The following ACOX1 variants were observed in gnomAD, a reference collection of about 807,000 sequenced individuals.
ACOX1 encodes the protein acyl-CoA oxidase 1.
ACOX1 carries 41 observed loss-of-function variants against 75.5 expected under a neutral mutation model. The ratio of observed to expected loss-of-function variants is 0.54; its 90% CI spans 0.42 to 0.70. ACOX1 has a LOEUF of 0.70. Among genes scored for constraint, ACOX1 ranks in the 30% least tolerant of loss-of-function variants. ACOX1 has a pLI of 0.00. For missense variants in ACOX1, 630 were observed against 837.5 expected (o/e 0.75, Z 3.06); for synonymous variants, 303 against 298.8 (o/e 1.01, Z -0.15).
chr17:75,963,427 C>T (rs1049085971), intron 2 of ACOX1, among the ~76,000 whole-genome samples: 4 of 152,052 alleles, frequency 2.6e-5, no homozygotes, highest in African/African-American at 7.2e-5. Context: ...GCAGGCCGGG[C>T]GCGGTGGCTC....
Position 75,957,729 on chromosome 17 carries a change from C to T in ACOX1, c.431-163G>A, listed in dbSNP as rs527250434. Among the ~76,000 whole-genome samples the T allele has an allele frequency of 3.9e-5, 6 of 152,324 alleles. No individual in the cohort carries two copies. The South Asian group carries it at 1.2e-3, about 32-fold the overall frequency. On this transcript the variant is annotated intron_variant, in intron 3 of 13. Coordinates refer to ENST00000293217, the MANE Select transcript of ACOX1 (RefSeq NM_004035.7). Reference sequence around the variant, plus strand: ...CTACAACTGGTTGATAACCAAGACACTGAATTTCCCACACTATCTGATGGT... The same window carrying T: ...CTACAACTGGTTGATAACCAAGACATTGAATTTCCCACACTATCTGATGGT...
rs2065739835 is a variant in ACOX1 at position 75,948,235 on chromosome 17, GACAC to G, written c.1935+12_1935+15del. ...GTGAAGACTTTTAAAAAGGTGCAGAGACACTGGATTTTTACCTCTGCTTTGTTCA... is the reference window on the plus strand; with the variant it reads ...GTGAAGACTTTTAAAAAGGTGCAGAGTGGATTTTTACCTCTGCTTTGTTCA... On this transcript the variant is annotated intron_variant, in intron 13 of 13. Transcript: ENST00000293217. 5 of 1,613,334 alleles carry G rather than the reference GACAC, an allele frequency of 3.1e-6. No homozygotes were observed. In the East Asian group the frequency reaches 1.1e-4, roughly 36 times the overall value.
At chr17:75,953,052 A>G (rs1462119509) in intron 7 of ACOX1, among the ~76,000 whole-genome samples, 2 of 152,160 alleles carry the variant, frequency 1.3e-5, no homozygotes, top group Non-Finnish European at 2.9e-5. Context: ...AACTGTGGCT[A>G]TGAATGCAAA....
At chr17:75,958,719 A>G (rs1049010536) in intron 3 of ACOX1, among the ~76,000 whole-genome samples, 7 of 151,672 alleles carry the variant, frequency 4.6e-5, no homozygotes, top group Non-Finnish European at 7.4e-5. Context: ...GAGGCAGGAG[A>G]ATGGCGTGAA....
intron 2 of ACOX1, among the ~76,000 whole-genome samples, chr17:75,974,629 C>A (rs1421527337): frequency 1.3e-5 from 2 of 152,188 alleles, no homozygotes; most frequent in Admixed American, 6.5e-5. Flanking sequence ...AGCAATGTTA[C>A]TACCAGTTTA....
intron 2 of ACOX1, among the ~76,000 whole-genome samples, chr17:75,963,113 A>AGAGT (rs1230928385): frequency 1.3e-5 from 2 of 152,212 alleles, no homozygotes; most frequent in South Asian, 4.2e-4. Context: ...CCTGGGCGAC[A>AGAGT]GAGACTCTGT....
At chr17:75,967,619 CATAT>C (rs147825726) in intron 2 of ACOX1, among the ~76,000 whole-genome samples, 3 of 131,288 alleles carry the variant, frequency 2.3e-5, no homozygotes, top group Non-Finnish European at 4.7e-5. Context: ...TATATACATA[CATAT>C]ATATATACAT....
intron 2 of ACOX1, among the ~76,000 whole-genome samples, chr17:75,963,858 C>T (rs933150149): frequency 6.6e-6 from 1 of 150,460 alleles, no homozygotes; most frequent in African/African-American, 2.4e-5. Flanking sequence ...ATTTTTGTAA[C>T]TTCCTATGAC....
intron 7 of ACOX1, among the ~76,000 whole-genome samples, chr17:75,951,808 C>CTTTTTTTTT (rs1029666749): frequency 3.2e-4 from 25 of 77,462 alleles, no homozygotes; most frequent in East Asian, 8.8e-4. Flanking sequence ...TAAATTGAGG[C>CTTTTTTTTT]TTTTTTTTTT....
rs34143128 is a variant in ACOX1, at chr17:75,958,321, C to A, written c.431-755G>T. Among the ~76,000 whole-genome samples, 3 of 145,248 alleles carry A rather than the reference C, an allele frequency of 2.1e-5. 1 individual carries two copies. Among genetic ancestry groups the A allele is most frequent in the South Asian group, 2.2e-4 (1 of 4,618 alleles). ...TGAGCCAAGATTGTGCCACCGCACT[C>A]CAGCCTGGGTGGCAGAGCAAGACTC... On this transcript the variant is annotated intron_variant, in intron 3 of 13. Transcript: ENST00000293217.
chr17:75,952,185 T>C (rs1045595929), intron 7 of ACOX1, among the ~76,000 whole-genome samples: 6 of 152,258 alleles, frequency 3.9e-5, no homozygotes, highest in Non-Finnish European at 7.3e-5. Flanking sequence ...GAATACATTG[T>C]ATTTTGACCA....
intron 7 of ACOX1, among the ~76,000 whole-genome samples, chr17:75,952,659 G>T (rs1297325770): frequency 2.0e-5 from 3 of 151,252 alleles, no homozygotes; most frequent in Non-Finnish European, 4.4e-5. Flanking sequence ...GCGAAATTCC[G>T]TCTCTACTAA....
intron 6 of ACOX1, among the ~76,000 whole-genome samples, chr17:75,954,018 A>C (rs554212965): frequency 2.6e-5 from 4 of 152,164 alleles, no homozygotes; most frequent in Admixed American, 6.6e-5. Context: ...GGAATTCGAG[A>C]CCAGCCTGAC....
At chr17:75,973,825 G>C in intron 2 of ACOX1, 1 of 1,611,322 alleles carries the variant, frequency 6.2e-7, no homozygotes. Context: ...CCTTCCTTTA[G>C]AAACTGCATC....
In ACOX1 at chr17:75,950,642, G is replaced by T. The variant is rs554531376; in HGVS notation, c.1298+132C>A. On this transcript the variant is annotated intron_variant, in intron 9 of 13. Coordinates refer to ENST00000293217, the MANE Select transcript of ACOX1 (RefSeq NM_004035.7). The surrounding 1 kb of genome is among the most constrained non-coding windows in gnomAD (Gnocchi z 4.3). ...CGAAATAAAAACCGTGAGTCAGGAT[G>T]GAAGGCAAAAGTATACCTTTCAGGA... The T allele has an allele frequency of 3.0e-6, 3 of 985,462 alleles. No individual in the cohort carries two copies. Among genetic ancestry groups the T allele is most frequent in the South Asian group, 2.8e-5 (2 of 70,834 alleles). The allele number at this position is 985,462 out of a possible 1,614,324, so 61.0% of individuals were successfully genotyped here.
intron 2 of ACOX1, among the ~76,000 whole-genome samples, chr17:75,977,206 G>A (rs1171852549): frequency 6.6e-6 from 1 of 151,526 alleles, no homozygotes; most frequent in African/African-American, 2.4e-5. Flanking sequence ...ATTTTGGCCA[G>A]GCTGGTCTCG....
At position 75,950,823 on chromosome 17, in the gene ACOX1, T is replaced by C; in HGVS notation, c.1249A>G (p.Ser417Gly). Reference protein sequence around the residue: ...LPNIYVNFTPSCTFEGENTVM... With the variant: ...LPNIYVNFTPGCTFEGENTVM... ...GTGTTTTCTCCCTCAAAGGTACAGC[T>C]TGGGGTGAAATTGACATAAATATTT... is the stretch of plus-strand genomic sequence containing the variant. Residue 417 changes from serine (S) to glycine (G), a missense_variant, in exon 9 of 14, where the codon AGC becomes GGC. By Grantham distance (56) the Ser-to-Gly change is moderately conservative (BLOSUM62 0). Transcript: ENST00000293217. This position sits in a 1 kb window ranked among gnomAD's most constrained non-coding sequence, Gnocchi z 4.3. 1 of 1,614,072 alleles carries C rather than the reference T, an allele frequency of 6.2e-7. No individual in the cohort carries two copies. Among genetic ancestry groups the C allele is most frequent in the Non-Finnish European group, 8.5e-7 (1 of 1,179,998 alleles).
chr17:75,960,307 T>C lies in ACOX1; in HGVS notation c.338A>G (p.His113Arg). The C allele has an allele frequency of 6.2e-7, 1 of 1,614,122 alleles. No individual in the cohort carries two copies. Among genetic ancestry groups the C allele is most frequent in the Non-Finnish European group, 8.5e-7 (1 of 1,180,032 alleles). ...HLGMFLPTLL[H>R]QATAEQQERF... ...CTCCTGCTGCTCCGCAGTTGCCTGG[T>C]GAAGCAAGGTGGGCAGGAACATGCC... is the stretch of plus-strand genomic sequence containing the variant. The change falls in exon 3 of 14, where the codon CAC (histidine) becomes CGC (arginine). Residue 113 changes from histidine to arginine, a missense_variant. This residue lies in a region of ACOX1 where 390 missense variants were observed against 574.9 expected (regional missense o/e 0.68). Transcript: ENST00000293217. This position sits in a 1 kb window ranked among gnomAD's most constrained non-coding sequence, Gnocchi z 4.4.
chr17:75,950,992 G>T lies in ACOX1; in HGVS notation c.1108-28C>A. The T allele has an allele frequency of 6.2e-7, 1 of 1,607,662 alleles. No homozygotes were observed. Among genetic ancestry groups the T allele is most frequent in the African/African-American group, 1.3e-5 (1 of 74,882 alleles). On this transcript the variant is annotated intron_variant, in intron 8 of 13. Coordinates refer to ENST00000293217, the MANE Select transcript of ACOX1 (RefSeq NM_004035.7). This position sits in a 1 kb window ranked among gnomAD's most constrained non-coding sequence, Gnocchi z 4.3. Reference sequence around the variant, plus strand: ...GAGAGGACAAGCACAGATCTGTCAGGACATCTGTGGTGCTGAGAGCCCGAG... The same window carrying T: ...GAGAGGACAAGCACAGATCTGTCAGTACATCTGTGGTGCTGAGAGCCCGAG...
Sources: gnomAD v4.1 joint callset for allele counts (sites outside exome capture counted in the v4.1 genomes callset) on GRCh38, gnomAD v4.1.1 for gene constraint, gnomAD v4.1.1 regional missense constraint, Gnocchi (gnomAD v3.1) non-coding constraint, MANE v1.5 for transcripts, NCBI Gene and HGNC (gene_info 2026-07-23, HGNC 2026-07-21) for gene names.